Variants in KIAA0825 observed in about 807,000 individuals in gnomAD.
The protein encoded by KIAA0825 is KIAA0825.
Under a neutral mutation model 147.6 loss-of-function variants are expected in KIAA0825, and 119 were observed. The ratio of observed to expected loss-of-function variants is 0.81; its 90% CI spans 0.69 to 0.94. The LOEUF is 0.94. Among genes scored for constraint, KIAA0825 ranks in the 40% least tolerant of loss-of-function variants. The pLI is 0.00. For missense variants in KIAA0825, 1,381 were observed against 1,472.7 expected (o/e 0.94, Z 1.02); for synonymous variants, 470 against 518.1 (o/e 0.91, Z 1.26).
rs541184486 is a variant in KIAA0825, at chr5:94,547,829, T to C, written c.-1-10702A>G. ...TGTCTGGCAGCAGACTTTGAAACCT[T>C]ACAAGCCAGGAGAGAGTGGCAGGAT... On this transcript the variant is annotated intron_variant, in intron 2 of 20. Transcript: ENST00000682413. Among the ~76,000 whole-genome samples, 58 of 151,008 alleles carry C rather than the reference T, an allele frequency of 3.8e-4. 1 individual carries two copies. Among genetic ancestry groups the C allele is most frequent in the African/African-American group, 1.4e-3 (57 of 40,984 alleles).
rs1210222886 is a variant in KIAA0825, at chr5:94,307,889, G to A, written c.3710+76479C>T. Among the ~76,000 whole-genome samples the A allele has an allele frequency of 2.0e-5, 3 of 151,702 alleles. No individual in the cohort carries two copies. The East Asian group carries it at 5.8e-4, about 30-fold the overall frequency. ...CCTCCTATCATTTTTAGTTCCTATA[G>A]TGCTTTTTGGAAACACACTCTCAGG... On this transcript the variant is annotated intron_variant, in intron 20 of 20. Coordinates refer to ENST00000682413, the MANE Select transcript of KIAA0825 (RefSeq NM_001145678.3).
chr5:94,400,798 T>C (rs1751273763), intron 16 of KIAA0825, among the ~76,000 whole-genome samples: 1 of 152,162 alleles, frequency 6.6e-6, no homozygotes, highest in Admixed American at 6.6e-5. Flanking sequence ...CTGTAATCTT[T>C]ATTGTAATAT....
chr5:94,609,140 C>A (rs1371070068), intron 1 of KIAA0825, among the ~76,000 whole-genome samples: 1 of 151,962 alleles, frequency 6.6e-6, no homozygotes, highest in Non-Finnish European at 1.5e-5. Context: ...TCACAATTAT[C>A]TGAAAAAGCC....
At chr5:94,301,644 A>G (rs1402719235) in intron 20 of KIAA0825, among the ~76,000 whole-genome samples, 1 of 152,100 alleles carries the variant, frequency 6.6e-6, no homozygotes, top group African/African-American at 2.4e-5. Flanking sequence ...CAGAGAAGTG[A>G]GTGATTTCTT....
chr5:94,233,447 G>T (rs1303263328), intron 20 of KIAA0825, among the ~76,000 whole-genome samples: 3 of 152,128 alleles, frequency 2.0e-5, no homozygotes, highest in Admixed American at 6.5e-5. Context: ...CTCATTTCTT[G>T]TTTGTGTTTG....
chr5:94,177,689 G>A (rs1769234783), intron 20 of KIAA0825, among the ~76,000 whole-genome samples: 1 of 151,986 alleles, frequency 6.6e-6, no homozygotes, highest in Non-Finnish European at 1.5e-5. Flanking sequence ...TAATTTGTTA[G>A]GCAATGGTAA....
chr5:94,491,989 G>T (rs1294423005), intron 5 of KIAA0825, among the ~76,000 whole-genome samples: 1 of 152,220 alleles, frequency 6.6e-6, no homozygotes, highest in Non-Finnish European at 1.5e-5. Flanking sequence ...TCTGAATGGT[G>T]AGAGAATGGA....
intron 20 of KIAA0825, among the ~76,000 whole-genome samples, chr5:94,326,283 T>G (rs1481884088): frequency 6.6e-6 from 1 of 152,144 alleles, no homozygotes; most frequent in Non-Finnish European, 1.5e-5. Flanking sequence ...TCGGCAGAAA[T>G]TCACTCAGCA....
At chr5:94,615,216 C>T (rs1790111355) in intron 1 of KIAA0825, among the ~76,000 whole-genome samples, 1 of 152,112 alleles carries the variant, frequency 6.6e-6, no homozygotes, top group African/African-American at 2.4e-5. Flanking sequence ...TCTGGCACTC[C>T]AGAACTGCTA....
intron 15 of KIAA0825, among the ~76,000 whole-genome samples, chr5:94,404,083 C>CT (rs1474190465): frequency 2.6e-5 from 4 of 152,144 alleles, no homozygotes; most frequent in Non-Finnish European, 5.9e-5. Flanking sequence ...TAGATGACAA[C>CT]TTGGCAATAA....
intron 20 of KIAA0825, among the ~76,000 whole-genome samples, chr5:94,162,532 A>G (rs1767678168): frequency 6.6e-6 from 1 of 152,184 alleles, no homozygotes; most frequent in African/African-American, 2.4e-5. Context: ...GCCTCAAGCA[A>G]TCCTCCTGCC....
intron 14 of KIAA0825, among the ~76,000 whole-genome samples, chr5:94,431,174 G>GT (rs1755615545): frequency 6.6e-6 from 1 of 152,112 alleles, no homozygotes; most frequent in African/African-American, 2.4e-5. Flanking sequence ...CCTAACATAA[G>GT]TTAAGTACCT....
chr5:94,305,900 A>C (rs571838037), intron 20 of KIAA0825, among the ~76,000 whole-genome samples: 8 of 152,052 alleles, frequency 5.3e-5, no homozygotes, highest in African/African-American at 1.9e-4. Flanking sequence ...AATTACTTTT[A>C]ATGTTAATAA....
At chr5:94,608,464 T>TATTA (rs1168359016) in intron 1 of KIAA0825, among the ~76,000 whole-genome samples, 1 of 18,330 alleles carries the variant, frequency 5.5e-5, no homozygotes, top group Non-Finnish European at 9.6e-5. Flanking sequence ...TATATATATA[T>TATTA]TATATATATA....
intron 20 of KIAA0825, among the ~76,000 whole-genome samples, chr5:94,168,726 C>A (rs1361056358): frequency 2.0e-5 from 3 of 152,122 alleles, no homozygotes; most frequent in Non-Finnish European, 4.4e-5. Context: ...ATGTCCCTTA[C>A]TAAGAGAAGT....
intron 20 of KIAA0825, among the ~76,000 whole-genome samples, chr5:94,229,564 C>T (rs1485625963): frequency 7.3e-6 from 1 of 136,592 alleles, no homozygotes; most frequent in Non-Finnish European, 1.6e-5. Flanking sequence ...ATTTTCTGTT[C>T]TCTTTTTTTT....
At chr5:94,419,822 T>A (rs1432919585) in intron 14 of KIAA0825, among the ~76,000 whole-genome samples, 3 of 152,192 alleles carry the variant, frequency 2.0e-5, no homozygotes, top group Non-Finnish European at 1.5e-5. Context: ...GCCTGGGCAG[T>A]CCTGGTTTAG....
chr5:94,298,801 C>T (rs1281817276), intron 20 of KIAA0825, among the ~76,000 whole-genome samples: 1 of 152,118 alleles, frequency 6.6e-6, no homozygotes, highest in Admixed American at 6.6e-5. Flanking sequence ...CAGTGGGATT[C>T]CTTTGAATAC....
chr5:94,204,596 A>G lies in KIAA0825; in HGVS notation c.3711-50472T>C, dbSNP rs528595726. On this transcript the variant is annotated intron_variant, in intron 20 of 20. Transcript: ENST00000682413. ...CTTTGTAATTCCTTCAAAGATTAAC[A>G]GTGTGCCACTGTGAGCATCTTGCAT... Among the ~76,000 whole-genome samples, 7 of 152,338 alleles carry G rather than the reference A, an allele frequency of 4.6e-5. No homozygotes were observed. In the East Asian group the frequency reaches 1.4e-3, roughly 29 times the overall value.
Sources: gnomAD v4.1 joint callset for allele counts (sites outside exome capture counted in the v4.1 genomes callset) on GRCh38, gnomAD v4.1.1 for gene constraint, MANE v1.5 for transcripts, NCBI Gene and HGNC (gene_info 2026-07-23, HGNC 2026-07-21) for gene names.